DNMBP: variants seen among roughly 807,000 people sequenced by gnomAD.
DNMBP encodes the protein dynamin binding protein.
DNMBP carries 87 observed loss-of-function variants against 150.0 expected under a neutral mutation model. The observed-to-expected ratio is 0.58, with a 90% CI of 0.49 to 0.69. DNMBP has a LOEUF of 0.69. Ranked by LOEUF, DNMBP falls within the 30% of genes least tolerant of loss-of-function variation. The probability of loss-of-function intolerance (pLI) is 0.00; values close to 1 mark genes in which losing one functional copy is unlikely to be tolerated. For missense variants in DNMBP, 1,774 were observed against 1,949.0 expected (o/e 0.91, Z 1.69); for synonymous variants, 711 against 750.4 (o/e 0.95, Z 0.86).
At chr10:99,930,757 C>T (rs2040145480) in intron 4 of DNMBP, 1 of 663,058 alleles carries the variant, frequency 1.5e-6, no homozygotes. Context: ...TTCTGGGTTT[C>T]ACACATATTC....
At chr10:100,008,152 G>A (rs949733894) in intron 1 of DNMBP, among the ~76,000 whole-genome samples, 1 of 152,160 alleles carries the variant, frequency 6.6e-6, no homozygotes, top group Non-Finnish European at 1.5e-5. Context: ...TGAGGCAGGC[G>A]GATCACCTGA....
chr10:99,955,214 C>G lies in DNMBP; in HGVS notation c.2260G>C (p.Glu754Gln). The G allele has an allele frequency of 6.2e-7, 1 of 1,611,550 alleles. No individual in the cohort carries two copies. The highest frequency in any genetic ancestry group is 8.5e-7 in the Non-Finnish European group (1 of 1,178,160). Residue 754 changes from glutamate to glutamine, a missense_variant and splice_region_variant, in exon 4 of 17, where the codon GAA (glutamate) becomes CAA (glutamine). By Grantham distance (29) the Glu-to-Gln change is conservative. Transcript: ENST00000324109. ...SLNMELQQLR[E>Q]MTLLSSQSSS... is the part of the protein sequence containing the mutation. Reference sequence around the variant, plus strand: ...TACATATTATTTCCTCGTCACTTACCTCTTAGTTGCTGGAGTTCCATATTC... The same window carrying G: ...TACATATTATTTCCTCGTCACTTACGTCTTAGTTGCTGGAGTTCCATATTC...
At chr10:99,879,340 T>C (rs2039327851) in intron 16 of DNMBP, among the ~76,000 whole-genome samples, 1 of 150,974 alleles carries the variant, frequency 6.6e-6, no homozygotes, top group Admixed American at 6.6e-5. Flanking sequence ...GGTGTACACC[T>C]GTAATCCCAG....
chr10:99,964,605 T>C, intron 3 of DNMBP, among the ~76,000 whole-genome samples: 1 of 151,090 alleles, frequency 6.6e-6, no homozygotes, highest in East Asian at 2.0e-4. Flanking sequence ...GCGTGGTGGC[T>C]CATGCCTGTA....
chr10:99,912,453 T>C (rs1167155537), intron 4 of DNMBP, among the ~76,000 whole-genome samples: 1 of 152,154 alleles, frequency 6.6e-6, no homozygotes, highest in Non-Finnish European at 1.5e-5. Context: ...ACAATAACAA[T>C]TCTTTTAAAC....
At chr10:99,918,405 G>A (rs2039989835) in intron 4 of DNMBP, among the ~76,000 whole-genome samples, 1 of 152,126 alleles carries the variant, frequency 6.6e-6, no homozygotes, top group East Asian at 1.9e-4. Context: ...GCTCTGTAAT[G>A]TCGGTCTATT....
intron 6 of DNMBP, among the ~76,000 whole-genome samples, chr10:99,902,367 T>C (rs896758574): frequency 1.7e-4 from 23 of 133,502 alleles, no homozygotes; most frequent in African/African-American, 6.4e-4. Context: ...TGGAGTGCAG[T>C]GGCATGATCT....
chr10:99,879,755 C>T, intron 16 of DNMBP, 56 bp downstream of exon 16: 1 of 1,596,224 alleles, frequency 6.3e-7, no homozygotes, highest in Admixed American at 1.7e-5. Context: ...CCCGCTGGTA[C>T]CCACAACACA....
intron 4 of DNMBP, among the ~76,000 whole-genome samples, chr10:99,953,505 T>TA (rs2040446552): frequency 6.6e-6 from 1 of 152,134 alleles, no homozygotes; most frequent in Non-Finnish European, 1.5e-5. Flanking sequence ...TGCTTACTAA[T>TA]ATGGTAATAA....
At chr10:99,966,478 G>A (rs2133347764) in intron 3 of DNMBP, among the ~76,000 whole-genome samples, 1 of 152,200 alleles carries the variant, frequency 6.6e-6, no homozygotes, top group East Asian at 1.9e-4. Context: ...TTCTTTCTGA[G>A]AATCTCTCGG....
In DNMBP at chr10:99,885,869, G is replaced by A; in HGVS notation, c.3619-3C>T. ...TCTCTGCCAGCCACTTTGAGTAACT[G>A]GGGTCCATGGGAAGAGCAGAGATAG... On this transcript the variant is annotated splice_region_variant and splice_polypyrimidine_tract_variant and intron_variant, in intron 13 of 16. Transcript: ENST00000324109. 1.2e-6 allele frequency: 2 copies of A among 1,608,180 alleles called. No homozygotes were observed. The highest frequency in any genetic ancestry group is 1.7e-5 in the Admixed American group (1 of 59,280).
chr10:99,987,130 G>A (rs2040836394), intron 1 of DNMBP, among the ~76,000 whole-genome samples: 1 of 149,734 alleles, frequency 6.7e-6, no homozygotes. Flanking sequence ...ACTCTAGCCT[G>A]GGCGACAGAG....
chr10:99,992,529 T>G (rs1357836997), intron 1 of DNMBP, among the ~76,000 whole-genome samples: 1 of 147,324 alleles, frequency 6.8e-6, no homozygotes, highest in African/African-American at 2.6e-5. Context: ...TCTAGGAGTT[T>G]TTTTTTTTTT....
chr10:99,891,221 C>T (rs2039553941), intron 11 of DNMBP, among the ~76,000 whole-genome samples: 1 of 149,060 alleles, frequency 6.7e-6, no homozygotes, highest in African/African-American at 2.5e-5. Flanking sequence ...CCACGGTCTC[C>T]CTCTCATGCG....
intron 15 of DNMBP, among the ~76,000 whole-genome samples, chr10:99,881,029 C>G (rs1241932814): frequency 2.6e-5 from 4 of 152,176 alleles, no homozygotes; most frequent in African/African-American, 4.8e-5. Flanking sequence ...AGTTCACAAC[C>G]AGCCTGGCCA....
intron 4 of DNMBP, among the ~76,000 whole-genome samples, chr10:99,922,879 C>T (rs2040039246): frequency 6.6e-6 from 1 of 152,098 alleles, no homozygotes; most frequent in South Asian, 2.1e-4. Context: ...TTTATTTTTT[C>T]CCTCTCCTTT....
chr10:99,902,303 C>CTTTTTTT lies in DNMBP; in HGVS notation c.2555-2244_2555-2238dup, dbSNP rs34120125. Among the ~76,000 whole-genome samples, 140 of 82,768 alleles carry CTTTTTTT rather than the reference C, an allele frequency of 1.7e-3. 4 individuals are homozygous for CTTTTTTT. Among genetic ancestry groups the CTTTTTTT allele is most frequent in the Non-Finnish European group, 1.8e-3 (79 of 43,348 alleles). The allele number at this position is 82,768 out of a possible 152,430, so 54.3% of individuals were successfully genotyped here. A position where few individuals can be genotyped will look rare whatever the true frequency, so the allele number is the denominator to read the frequency against. On this transcript the variant is annotated intron_variant, in intron 6 of 16. Coordinates refer to ENST00000324109, the MANE Select transcript of DNMBP (RefSeq NM_015221.4). ...CCCTTTCTCACTGGAAGCCTCCCTT[C>CTTTTTTT]TTTTTTTTTTTTTTTTTTTTTTTTG...
intron 4 of DNMBP, among the ~76,000 whole-genome samples, chr10:99,950,164 C>T (rs1431241290): frequency 6.6e-6 from 1 of 152,140 alleles, no homozygotes; most frequent in African/African-American, 2.4e-5. Context: ...TTTTGAAAAA[C>T]GGGAGTCTTC....
intron 15 of DNMBP, among the ~76,000 whole-genome samples, chr10:99,882,485 G>A (rs1011303735): frequency 2.0e-5 from 3 of 152,152 alleles, no homozygotes; most frequent in Admixed American, 6.6e-5. Flanking sequence ...TCAGGAGGCC[G>A]AGACAGGAGG....
Sources: allele counts gnomAD v4.1 joint callset (sites outside exome capture counted in the v4.1 genomes callset), GRCh38; gene constraint gnomAD v4.1.1; transcripts MANE v1.5; gene names NCBI Gene and HGNC (gene_info 2026-07-23, HGNC 2026-07-21).